Variants in CNGA1 observed in about 807,000 individuals in gnomAD.
CNGA1 encodes cyclic nucleotide-gated channel alpha-1.
Under a neutral mutation model 69.7 loss-of-function variants are expected in CNGA1, and 53 were observed. The ratio of observed to expected loss-of-function variants is 0.76; its 90% CI spans 0.61 to 0.96. The LOEUF is 0.96. Ranked by LOEUF, CNGA1 falls within the 40% of genes least tolerant of loss-of-function variation. The pLI is 0.00. For synonymous variants in CNGA1, 249 were observed against 283.5 expected, an observed-to-expected ratio of 0.88 and a Z score of 1.22; for missense variants, 739 against 811.2, an observed-to-expected ratio of 0.91 and a Z score of 1.08.
At position 47,988,860 on chromosome 4, in the gene CNGA1, G is replaced by A. The variant is rs2110230389; in HGVS notation, c.-122-7360C>T. Among the ~76,000 whole-genome samples the A allele has an allele frequency of 2.0e-5, 3 of 152,074 alleles. 1 individual carries two copies. In the South Asian group the frequency reaches 6.2e-4, roughly 32 times the overall value. Reference sequence around the variant, plus strand: ...ACAGTCATCCCTAGGTATACGTGGTGATCGGTTTGGTTGAAAAAAATCCAC... The same window carrying A: ...ACAGTCATCCCTAGGTATACGTGGTAATCGGTTTGGTTGAAAAAAATCCAC... On this transcript the variant is annotated intron_variant, in intron 2 of 10. Coordinates refer to ENST00000514170, the MANE Select transcript of CNGA1 (RefSeq NM_001379270.1).
chr4:47,961,517 C>T (rs905432774), intron 3 of CNGA1, among the ~76,000 whole-genome samples: 18 of 152,108 alleles, frequency 1.2e-4, no homozygotes, highest in African/African-American at 4.1e-4. Context: ...CCAAGGAGGG[C>T]AGATCACTTG....
intron 2 of CNGA1, among the ~76,000 whole-genome samples, chr4:48,008,932 C>G (rs1052469499): frequency 1.3e-5 from 2 of 152,110 alleles, no homozygotes; most frequent in African/African-American, 4.8e-5. Flanking sequence ...CTAAATAATT[C>G]AAAATATAGC....
chr4:47,953,509 T>G (rs1348779985), intron 3 of CNGA1, among the ~76,000 whole-genome samples: 1 of 152,246 alleles, frequency 6.6e-6, no homozygotes, highest in Non-Finnish European at 1.5e-5. Flanking sequence ...GAAAGAGAGA[T>G]AAAATTGATC....
chr4:48,009,456 G>C (rs2352411), intron 2 of CNGA1, among the ~76,000 whole-genome samples: 15,746 of 127,988 alleles, frequency 0.12, 1,380 homozygotes, highest in East Asian at 0.32. Context: ...CAGAGCCAGA[G>C]TCTGTCTCAA....
intron 3 of CNGA1, among the ~76,000 whole-genome samples, chr4:47,971,354 G>T (rs1741022396): frequency 1.3e-5 from 2 of 151,866 alleles, no homozygotes; most frequent in Non-Finnish European, 2.9e-5. Flanking sequence ...TTTGAATGTT[G>T]TATCATGTAA....
In CNGA1 at chr4:47,952,634, A is replaced by G. The variant is rs779778468; in HGVS notation, c.56T>C (p.Ile19Thr). Residue 19 changes from isoleucine to threonine, a missense_variant, in exon 4 of 11, where the codon ATT (isoleucine) becomes ACT (threonine). Ile to Thr is a moderately conservative substitution (Grantham distance 89). Coordinates refer to ENST00000514170, the MANE Select transcript of CNGA1 (RefSeq NM_001379270.1). ...TATTTCCTTTTCAATATCTGGTACA[A>G]TCACATTGGGCATGGTTACAAAAGA... ...QQSFVTMPNV[I>T]VPDIEKEIRR... 6 of 1,609,876 alleles carry G rather than the reference A, an allele frequency of 3.7e-6. No individual in the cohort carries two copies. Among genetic ancestry groups the G allele is most frequent in the African/African-American group, 1.3e-5 (1 of 74,850 alleles).
intron 3 of CNGA1, chr4:47,971,218 GAGAAT>G: frequency 3.1e-6 from 1 of 321,608 alleles, no homozygotes. Context: ...AAGGAGTGGT[GAGAAT>G]CTCTCTGGAA....
chr4:47,946,284 C>A lies in CNGA1; in HGVS notation c.288-2872G>T, dbSNP rs528249628. On this transcript the variant is annotated intron_variant, in intron 6 of 10. Coordinates refer to ENST00000514170, the MANE Select transcript of CNGA1 (RefSeq NM_001379270.1). ...ATTGCAAAATCAACCAAGTAGTAGC[C>A]CCAATTGCAGCTGCTGTGTCATATG... 3.3e-5 allele frequency among the ~76,000 whole-genome samples: 5 copies of A among 152,258 alleles called. No homozygotes were observed. The East Asian group carries it at 9.6e-4, about 29-fold the overall frequency.
At chr4:47,978,922 A>G (rs1741554425) in intron 3 of CNGA1, among the ~76,000 whole-genome samples, 1 of 152,218 alleles carries the variant, frequency 6.6e-6, no homozygotes, top group Non-Finnish European at 1.5e-5. Context: ...AAATTGTTAA[A>G]GCTCAAGTTG....
At chr4:47,989,101 G>A (rs1009608461) in intron 2 of CNGA1, among the ~76,000 whole-genome samples, 24 of 152,114 alleles carry the variant, frequency 1.6e-4, no homozygotes, top group Admixed American at 4.6e-4. Context: ...ACAAACTTTG[G>A]TTAAAATTTC....
chr4:47,938,314 G>GATATATAT (rs10558013), intron 10 of CNGA1, among the ~76,000 whole-genome samples: 3 of 149,376 alleles, frequency 2.0e-5, no homozygotes, highest in African/African-American at 7.4e-5. Context: ...GATATTGTGA[G>GATATATAT]ATATATATAT....
chr4:48,000,067 A>T (rs1244723004), intron 2 of CNGA1, among the ~76,000 whole-genome samples: 1 of 152,096 alleles, frequency 6.6e-6, no homozygotes, highest in Non-Finnish European at 1.5e-5. Context: ...TAGAATAGAA[A>T]ATGTAGATGA....
rs190071357 is a variant in CNGA1, at chr4:47,974,608, T to C, written c.-15+6785A>G. 9.2e-5 allele frequency among the ~76,000 whole-genome samples: 14 copies of C among 152,332 alleles called. No homozygotes were observed. The East Asian group carries it at 2.7e-3, about 29-fold the overall frequency. ...AGTTAGGAGGACTAAGGTCTGGAGA[T>C]CTGTTATATAGCATGGTAAAAATAA... On this transcript the variant is annotated intron_variant, in intron 3 of 10. Transcript: ENST00000514170.
intron 2 of CNGA1, among the ~76,000 whole-genome samples, chr4:47,984,632 C>T (rs960981554): frequency 1.8e-4 from 24 of 129,892 alleles, no homozygotes; most frequent in Non-Finnish European, 2.5e-4. Context: ...AAAAAACAAA[C>T]AAACAAATAA....
intron 3 of CNGA1, among the ~76,000 whole-genome samples, chr4:47,961,593 A>G (rs993261394): frequency 5.3e-5 from 8 of 152,108 alleles, no homozygotes; most frequent in Non-Finnish European, 1.2e-4. Flanking sequence ...AAAATACAAA[A>G]ATTAGTCAGG....
At chr4:48,004,278 G>A (rs1266950556) in intron 2 of CNGA1, among the ~76,000 whole-genome samples, 2 of 152,224 alleles carry the variant, frequency 1.3e-5, no homozygotes, top group Non-Finnish European at 1.5e-5. Context: ...CCTTTGTCTT[G>A]TATCCAATAA....
chr4:47,942,335 G>A (rs1249443081), intron 8 of CNGA1, among the ~76,000 whole-genome samples, 187 bp from the exon 9 acceptor site: 1 of 149,976 alleles, frequency 6.7e-6, no homozygotes, highest in African/African-American at 2.5e-5. Flanking sequence ...GTTAGTGAGG[G>A]GTGGATAGAT....
chr4:47,936,935 T>A lies in CNGA1; in HGVS notation c.1547A>T (p.Lys516Met). Residue 516 changes from lysine (K) to methionine (M), a missense_variant, in exon 11 of 11, where the codon AAG becomes ATG. Lys to Met is a moderately conservative substitution (Grantham distance 95, BLOSUM62 -1). Transcript: ENST00000514170. ...TGCCACCACAGCGAGTTTGCCTTCC[T>A]TGATAATGTACATCTCTCGTCCGAT... ...GDIGREMYII[K>M]EGKLAVVADD... The A allele has an allele frequency of 6.2e-7, 1 of 1,614,154 alleles. No individual in the cohort carries two copies. Among genetic ancestry groups the A allele is most frequent in the South Asian group, 1.1e-5 (1 of 91,080 alleles).
chr4:47,949,965 G>A, intron 5 of CNGA1, 70 bp from the exon 6 acceptor site: 2 of 1,444,784 alleles, frequency 1.4e-6, no homozygotes, highest in African/African-American at 1.4e-5. Flanking sequence ...GTAGGCAAAT[G>A]GTCTGAAAAA....
Sources: gnomAD v4.1 joint callset for allele counts (sites outside exome capture counted in the v4.1 genomes callset) on GRCh38, gnomAD v4.1.1 for gene constraint, MANE v1.5 for transcripts, NCBI Gene and HGNC (gene_info 2026-07-23, HGNC 2026-07-21) for gene names.